The following ALG9 variants were observed in gnomAD, a reference collection of about 807,000 sequenced individuals.
ALG9 encodes ALG9 alpha-1,2-mannosyltransferase.
A neutral mutation model predicts 81.8 loss-of-function variants in ALG9; 55 were observed. That is an observed-to-expected ratio of 0.67 (90% CI 0.54 to 0.84). ALG9 has a LOEUF of 0.84. ALG9 is among the 40% of genes least tolerant of loss of function. ALG9 has a pLI of 0.00. For synonymous variants in ALG9, 278 were observed against 274.3 expected, an observed-to-expected ratio of 1.01 and a Z score of -0.13; for missense variants, 629 against 745.0, an observed-to-expected ratio of 0.84 and a Z score of 1.81.
chr11:111,862,581 G>C (rs1407792512), intron 4 of ALG9, among the ~76,000 whole-genome samples: 1 of 150,354 alleles, frequency 6.7e-6, no homozygotes, highest in Non-Finnish European at 1.5e-5. Context: ...TTTTTTTTTG[G>C]TCTGTCTGTA....
Position 111,871,548 on chromosome 11 carries a change from G to A in ALG9, c.-66C>T, listed in dbSNP as rs1162095283. ...CGGTGAGCGCGCAGACATAGCTTTG[G>A]CTGGCAAACGGTGTCCGCCGAGGGA... On this transcript the variant is annotated 5_prime_UTR_variant, in exon 1 of 15. Transcript: ENST00000616540. 3 of 1,533,598 alleles carry A rather than the reference G, an allele frequency of 2.0e-6. No individual in the cohort carries two copies. The highest frequency in any genetic ancestry group is 1.4e-5 in the African/African-American group (1 of 72,936). The allele number at this position is 1,533,598 out of a possible 1,614,324, so 95.0% of individuals were successfully genotyped here.
At chr11:111,793,422 A>G (rs1555072267) in intron 14 of ALG9, among the ~76,000 whole-genome samples, 1 of 152,136 alleles carries the variant, frequency 6.6e-6, no homozygotes, top group East Asian at 1.9e-4. Context: ...GTTATATTGT[A>G]TTGTTATTGA....
intron 6 of ALG9, 107 bp downstream of exon 6, chr11:111,857,495 C>T: frequency 6.9e-7 from 1 of 1,446,114 alleles, no homozygotes; most frequent in South Asian, 1.2e-5. Context: ...TCTTTGAAAG[C>T]CCAATTGATT....
chr11:111,817,057 CA>C (rs1196379093), intron 13 of ALG9, among the ~76,000 whole-genome samples: 1 of 152,116 alleles, frequency 6.6e-6, no homozygotes, highest in African/African-American at 2.4e-5. Context: ...GCATGGTTGA[CA>C]GGGGGAAGAG....
chr11:111,866,675 A>G (rs1962577387), intron 3 of ALG9, among the ~76,000 whole-genome samples: 1 of 151,630 alleles, frequency 6.6e-6, no homozygotes, highest in Non-Finnish European at 1.5e-5. Flanking sequence ...TGTGTTGAAC[A>G]TGTAAAATTT....
At position 111,823,479 on chromosome 11, in the gene ALG9, A is replaced by G. The variant is rs112100082; in HGVS notation, c.1602+12686T>C. The stretch of plus-strand genomic sequence containing the variant: ...GTCTATGTCTTGCTTTTAGTACTGA[A>G]CACAGTTACATTTGTGACTGAACGT... On this transcript the variant is annotated intron_variant, in intron 13 of 14. Coordinates refer to ENST00000616540, the MANE Select transcript of ALG9 (RefSeq NM_024740.2). Among the ~76,000 whole-genome samples, 566 of 152,316 alleles carry G rather than the reference A, an allele frequency of 3.7e-3. 6 individuals are homozygous for G. Among genetic ancestry groups the G allele is most frequent in the African/African-American group, 0.012 (516 of 41,566 alleles).
chr11:111,834,971 T>C (rs1954984370), intron 13 of ALG9, among the ~76,000 whole-genome samples: 2 of 152,220 alleles, frequency 1.3e-5, no homozygotes, highest in Admixed American at 6.5e-5. Flanking sequence ...TAAGTGTCCA[T>C]TTTCATAGCT....
At chr11:111,811,908 A>T (rs1353743401) in intron 13 of ALG9, among the ~76,000 whole-genome samples, 2 of 152,150 alleles carry the variant, frequency 1.3e-5, no homozygotes, top group African/African-American at 4.8e-5. Context: ...AATCTTCTAA[A>T]CTTGGATACT....
At chr11:111,859,682 G>A (rs1286841626) in intron 5 of ALG9, among the ~76,000 whole-genome samples, 1 of 152,098 alleles carries the variant, frequency 6.6e-6, no homozygotes, top group South Asian at 2.1e-4. Flanking sequence ...GAGCACAGAT[G>A]CATTTAGGAC....
chr11:111,819,847 T>C (rs561136124), intron 13 of ALG9, among the ~76,000 whole-genome samples: 4 of 152,282 alleles, frequency 2.6e-5, no homozygotes, highest in African/African-American at 9.6e-5. Flanking sequence ...CCTGGTACAG[T>C]ACCTGGCATA....
In ALG9 at chr11:111,870,242, T is replaced by C; in HGVS notation, c.260A>G (p.Tyr87Cys). ...AAAGAAATCACCTACTGGCTCCCAG[T>C]AGTTGAATGTTTCATCACAGTCAGA... ...NISDCDETFN[Y>C]WEPTHYLIYG... is the part of the protein sequence containing the mutation. Residue 87 changes from tyrosine (Y) to cysteine (C), a missense_variant, in exon 2 of 15, where the codon TAC (tyrosine) becomes TGC (cysteine). Transcript: ENST00000616540. 2 of 1,609,368 alleles carry C rather than the reference T, an allele frequency of 1.2e-6. No homozygotes were observed. The highest frequency in any genetic ancestry group is 1.7e-6 in the Non-Finnish European group (2 of 1,178,674).
chr11:111,774,775 A>G, the ALG9 span, among the ~76,000 whole-genome samples: 1 of 152,290 alleles, frequency 6.6e-6, no homozygotes, highest in East Asian at 1.9e-4. Context: ...GGTTTACCAT[A>G]CTACAGACTG....
At chr11:111,864,247 G>C (rs1439769070) in intron 4 of ALG9, 1 of 1,026,396 alleles carries the variant, frequency 9.7e-7, no homozygotes, top group African/African-American at 1.6e-5. Context: ...CGGCCCTCAC[G>C]TGCACCATGT....
At chr11:111,853,933 T>C (rs1958240511) in intron 6 of ALG9, among the ~76,000 whole-genome samples, 197 bp from the exon 7 acceptor site, 1 of 152,082 alleles carries the variant, frequency 6.6e-6, no homozygotes, top group Non-Finnish European at 1.5e-5. Flanking sequence ...AGAAATAGAA[T>C]TACTGAGCTG....
chr11:111,840,762 T>C lies in ALG9; in HGVS notation c.1066A>G (p.Ile356Val), dbSNP rs782560519. 1 of 1,613,964 alleles carries C rather than the reference T, an allele frequency of 6.2e-7. No homozygotes were observed. Among genetic ancestry groups the C allele is most frequent in the Non-Finnish European group, 8.5e-7 (1 of 1,179,962 alleles). ...TGGATGAAGAAAATTATAAACCAAA[T>C]ATACATTGGAGCCAAGGTAAGCCAA... ...PYWLTLAPMY[I>V]WFIIFFIQPH... Residue 356 changes from isoleucine to valine, a missense_variant, in exon 10 of 15, where the codon ATT (isoleucine) becomes GTT (valine). Ile to Val is a conservative substitution (Grantham distance 29). Transcript: ENST00000616540.
At chr11:111,827,171 G>T (rs563955884) in intron 13 of ALG9, among the ~76,000 whole-genome samples, 4 of 151,888 alleles carry the variant, frequency 2.6e-5, no homozygotes, top group African/African-American at 9.7e-5. Context: ...TCTTATAAGG[G>T]ACTTTTCTTA....
intron 8 of ALG9, among the ~76,000 whole-genome samples, chr11:111,851,204 C>A (rs782419887): frequency 6.6e-6 from 1 of 152,112 alleles, no homozygotes; most frequent in Non-Finnish European, 1.5e-5. Context: ...CATCCCTGGG[C>A]GTGGTGGCTC....
the ALG9 span, among the ~76,000 whole-genome samples, chr11:111,770,192 GT>G: frequency 6.6e-6 from 1 of 152,198 alleles, no homozygotes; most frequent in African/African-American, 2.4e-5. Flanking sequence ...TAAGATGCCT[GT>G]TAAAAATGCA....
chr11:111,831,804 T>A (rs1407165352), intron 13 of ALG9, among the ~76,000 whole-genome samples: 1 of 152,204 alleles, frequency 6.6e-6, no homozygotes, highest in Admixed American at 6.5e-5. Flanking sequence ...TAAAGAAGAA[T>A]GAAATAAAGA....
Sources: gnomAD v4.1 joint callset for allele counts (sites outside exome capture counted in the v4.1 genomes callset) on GRCh38, gnomAD v4.1.1 for gene constraint, MANE v1.5 for transcripts, NCBI Gene and HGNC (gene_info 2026-07-23, HGNC 2026-07-21) for gene names.